Variants in SKIC3 observed in about 807,000 individuals in gnomAD.
SKIC3 encodes the protein superkiller complex protein 3.
chr5:95,502,489 C>T, the SKIC3 span, among the ~76,000 whole-genome samples: 1 of 152,018 alleles, frequency 6.6e-6, no homozygotes, highest in African/African-American at 2.4e-5. Context: ...AAAGATTTAC[C>T]TTTAAATGAA....
chr5:95,524,993 C>T, the SKIC3 span, among the ~76,000 whole-genome samples: 2 of 152,104 alleles, frequency 1.3e-5, no homozygotes, highest in East Asian at 1.9e-4. Context: ...AAGCAATTCT[C>T]GTGCCTCAGC....
At chr5:95,529,024 T>C in the SKIC3 span, 1 of 1,613,724 alleles carries the variant, frequency 6.2e-7, no homozygotes, top group Non-Finnish European at 8.5e-7. Context: ...AAGAACAGCT[T>C]CTTTAGGTCT....
chr5:95,538,394 C>A, the SKIC3 span, among the ~76,000 whole-genome samples: 4 of 152,180 alleles, frequency 2.6e-5, no homozygotes, highest in Admixed American at 2.6e-4. Flanking sequence ...ACATTTTTAT[C>A]CCCAGCTCTT....
At chr5:95,476,776 G>A in the SKIC3 span, among the ~76,000 whole-genome samples, 1 of 152,130 alleles carries the variant, frequency 6.6e-6, no homozygotes, top group Non-Finnish European at 1.5e-5. Flanking sequence ...TACAGGTAAA[G>A]GTGGGGTGGG....
chr5:95,481,812 T>C, the SKIC3 span, among the ~76,000 whole-genome samples: 14 of 152,284 alleles, frequency 9.2e-5, 1 homozygote, highest in Middle Eastern at 3.4e-3. Flanking sequence ...AAAGCTGATA[T>C]AATAAAAGAT....
chr5:95,510,862 T>A, the SKIC3 span, among the ~76,000 whole-genome samples: 1 of 152,198 alleles, frequency 6.6e-6, no homozygotes, highest in African/African-American at 2.4e-5. Context: ...GCGGGCAAAG[T>A]GAACCCATTG....
chr5:95,550,014 T>C, the SKIC3 span, among the ~76,000 whole-genome samples: 2 of 152,002 alleles, frequency 1.3e-5, no homozygotes, highest in African/African-American at 2.4e-5. Flanking sequence ...TCTTCCACAA[T>C]ATAACTCCCT....
the SKIC3 span, among the ~76,000 whole-genome samples, chr5:95,545,817 T>C: frequency 2.6e-5 from 4 of 152,170 alleles, no homozygotes. Flanking sequence ...GTATCCTTCT[T>C]TTCCACCTCA....
the SKIC3 span, among the ~76,000 whole-genome samples, chr5:95,499,630 C>G: frequency 6.6e-6 from 1 of 151,970 alleles, no homozygotes; most frequent in African/African-American, 2.4e-5. Flanking sequence ...ATGTTGAGTT[C>G]CAATAAAATC....
the SKIC3 span, chr5:95,502,946 G>A: frequency 6.2e-7 from 1 of 1,613,938 alleles, no homozygotes; most frequent in Admixed American, 1.7e-5. Flanking sequence ...TGCCAGAGCT[G>A]TCAAGATATG....
chr5:95,514,752 A>G, the SKIC3 span: 1 of 1,179,680 alleles, frequency 8.5e-7, no homozygotes, highest in Non-Finnish European at 1.2e-6. Flanking sequence ...GGCACAAAGT[A>G]AGCCCTCAAA....
the SKIC3 span, among the ~76,000 whole-genome samples, chr5:95,500,887 G>T: frequency 6.6e-6 from 1 of 151,982 alleles, no homozygotes; most frequent in Non-Finnish European, 1.5e-5. Context: ...TACGTCTTTG[G>T]ACTATTTTTG....
the SKIC3 span, chr5:95,547,267 TG>T: frequency 2.0e-5 from 16 of 809,068 alleles, 1 homozygote; most frequent in African/African-American, 2.4e-4. Flanking sequence ...TCCTTCTCTC[TG>T]GAACAGTCTT....
the SKIC3 span, among the ~76,000 whole-genome samples, chr5:95,493,382 C>T: frequency 6.6e-5 from 10 of 152,116 alleles, no homozygotes; most frequent in African/African-American, 2.2e-4. Context: ...GGCAATCTCA[C>T]CTTTCTAAAG....
chr5:95,468,933 C>T, the SKIC3 span, among the ~76,000 whole-genome samples: 7 of 152,246 alleles, frequency 4.6e-5, no homozygotes, highest in South Asian at 1.5e-3. Flanking sequence ...AAATTAGTCA[C>T]ACATAAAAAT....
At chr5:95,519,203 G>A in the SKIC3 span, among the ~76,000 whole-genome samples, 1 of 151,800 alleles carries the variant, frequency 6.6e-6, no homozygotes, top group African/African-American at 2.4e-5. Context: ...GGTGACAGAG[G>A]GCAATTCCTT....
At chr5:95,505,182 C>T in the SKIC3 span, among the ~76,000 whole-genome samples, 284 of 152,268 alleles carry the variant, frequency 1.9e-3, no homozygotes, top group South Asian at 8.3e-3. Flanking sequence ...GTATCCATCA[C>T]TATAACCTGA....
the SKIC3 span, among the ~76,000 whole-genome samples, chr5:95,481,245 G>A: frequency 2.6e-5 from 4 of 152,222 alleles, no homozygotes; most frequent in African/African-American, 9.6e-5. Flanking sequence ...GGATCTGGTA[G>A]AAGGTAACTG....
chr5:95,536,880 T>C, the SKIC3 span: 1 of 1,613,736 alleles, frequency 6.2e-7, no homozygotes, highest in Admixed American at 1.7e-5. Flanking sequence ...TAGATGTTTA[T>C]CATTCCTTCA....
Sources: allele counts gnomAD v4.1 joint callset (sites outside exome capture counted in the v4.1 genomes callset), GRCh38; gene constraint gnomAD v4.1.1; transcripts MANE v1.5; gene names NCBI Gene and HGNC (gene_info 2026-07-23, HGNC 2026-07-21).